TMEM108: variants seen among roughly 807,000 people sequenced by gnomAD.
TMEM108 encodes the protein transmembrane protein 108, also known as cancer/testis antigen 124.
A neutral mutation model predicts 35.1 loss-of-function variants in TMEM108; 12 were observed. The ratio of observed to expected loss-of-function variants is 0.34; its 90% CI spans 0.22 to 0.55. The LOEUF (loss-of-function observed/expected upper bound fraction) is 0.55, where lower values mean the gene tolerates loss of function less well. Among genes scored for constraint, TMEM108 ranks in the 20% least tolerant of loss-of-function variants. The probability of loss-of-function intolerance (pLI) is 0.89; values close to 1 mark genes in which losing one functional copy is unlikely to be tolerated. For synonymous variants in TMEM108, 287 were observed against 308.6 expected (o/e 0.93, Z 0.73); for missense variants, 680 against 753.3 (o/e 0.90, Z 1.14).
intron 3 of TMEM108, among the ~76,000 whole-genome samples, chr3:133,274,602 G>C (rs1946814291): frequency 6.6e-6 from 1 of 152,154 alleles, no homozygotes; most frequent in African/African-American, 2.4e-5. Context: ...TTGTTTCTCT[G>C]TGAATTTATC....
At chr3:133,134,305 G>A (rs532954597) in intron 2 of TMEM108, among the ~76,000 whole-genome samples, 1 of 151,866 alleles carries the variant, frequency 6.6e-6, no homozygotes, top group African/African-American at 2.4e-5. Context: ...TTCTATATAT[G>A]TTCTATACAT....
intron 2 of TMEM108, among the ~76,000 whole-genome samples, chr3:133,156,633 C>T: frequency 6.6e-6 from 1 of 152,138 alleles, no homozygotes; most frequent in East Asian, 1.9e-4. Flanking sequence ...AATGAGATAA[C>T]AGATGAGAAA....
intron 3 of TMEM108, among the ~76,000 whole-genome samples, chr3:133,249,532 C>T (rs1039773344): frequency 3.9e-5 from 6 of 152,208 alleles, no homozygotes; most frequent in African/African-American, 1.4e-4. Context: ...CAATGCTTAG[C>T]TCCCACTTAT....
At chr3:133,083,857 G>A (rs1478330466) in intron 2 of TMEM108, among the ~76,000 whole-genome samples, 1 of 149,412 alleles carries the variant, frequency 6.7e-6, no homozygotes, top group Non-Finnish European at 1.5e-5. Flanking sequence ...CCTCCATAGG[G>A]GCTAGTCCTG....
chr3:133,095,805 G>A (rs905212990), intron 2 of TMEM108, among the ~76,000 whole-genome samples: 3 of 152,136 alleles, frequency 2.0e-5, no homozygotes, highest in South Asian at 2.1e-4. Context: ...TTGCTTGTTC[G>A]CTCACCCGAT....
chr3:133,173,964 C>T (rs889173454), intron 2 of TMEM108, among the ~76,000 whole-genome samples: 3 of 152,176 alleles, frequency 2.0e-5, no homozygotes, highest in African/African-American at 7.2e-5. Context: ...CCTGGAAAAT[C>T]GGGTCACTCC....
chr3:133,065,372 A>G (rs1052066239), intron 2 of TMEM108, among the ~76,000 whole-genome samples: 13 of 152,140 alleles, frequency 8.5e-5, no homozygotes, highest in African/African-American at 2.9e-4. Context: ...TGGTTCACAC[A>G]GTTTTCCATT....
intron 2 of TMEM108, chr3:133,125,209 A>G (rs1944400378): frequency 6.6e-6 from 1 of 152,186 alleles, no homozygotes; most frequent in Admixed American, 6.5e-5. Context: ...TTAGCTCTTA[A>G]GGTAGTAATT....
intron 2 of TMEM108, among the ~76,000 whole-genome samples, chr3:133,196,775 C>T (rs575630679): frequency 1.1e-4 from 16 of 152,274 alleles, no homozygotes; most frequent in African/African-American, 3.9e-4. Flanking sequence ...GACTTTTGTC[C>T]TCTTTGTGCT....
intron 3 of TMEM108, among the ~76,000 whole-genome samples, chr3:133,336,280 A>G (rs546235223): frequency 6.6e-6 from 1 of 151,872 alleles, no homozygotes; most frequent in Admixed American, 6.5e-5. Flanking sequence ...TGCTTATCCC[A>G]CCCTTCCCCA....
At chr3:133,392,254 C>G (rs1260804617) in intron 5 of TMEM108, among the ~76,000 whole-genome samples, 4 of 124,550 alleles carry the variant, frequency 3.2e-5, no homozygotes, top group Middle Eastern at 4.3e-3. Flanking sequence ...CCTCTGCCTC[C>G]CAGGTTCAAG....
chr3:133,223,721 A>T (rs1262551046), intron 2 of TMEM108, among the ~76,000 whole-genome samples: 2 of 152,228 alleles, frequency 1.3e-5, no homozygotes, highest in Non-Finnish European at 2.9e-5. Flanking sequence ...GTAAGGTCAC[A>T]AAATTAATGT....
Position 133,396,129 on chromosome 3 carries a change from A to C in TMEM108, c.*143A>C. The C allele has an allele frequency of 2.1e-6, 1 of 477,094 alleles. No homozygotes were observed. Among genetic ancestry groups the C allele is most frequent in the African/African-American group, 2.3e-5 (1 of 43,874 alleles). 29.6% of individuals were successfully genotyped at this position (477,094 alleles called of 1,614,324 possible). ...GCTTTTTTTCCTATGAATTGTCAAC[A>C]TCTTTTTTACAAGTGTGGTTTAAAA... On this transcript the variant is annotated 3_prime_UTR_variant, in exon 6 of 6. Coordinates refer to ENST00000321871, the MANE Select transcript of TMEM108 (RefSeq NM_023943.4).
chr3:133,058,032 G>A (rs1425517721), intron 2 of TMEM108, among the ~76,000 whole-genome samples: 1 of 152,010 alleles, frequency 6.6e-6, no homozygotes, highest in African/African-American at 2.4e-5. Context: ...AATATTCATA[G>A]TTGGAGGAAG....
At chr3:133,199,785 C>T (rs1357245110) in intron 2 of TMEM108, among the ~76,000 whole-genome samples, 1 of 152,182 alleles carries the variant, frequency 6.6e-6, no homozygotes, top group Non-Finnish European at 1.5e-5. Context: ...CCACTACTCT[C>T]TTCAAAGCTG....
At chr3:133,140,448 A>G (rs1944625950) in intron 2 of TMEM108, among the ~76,000 whole-genome samples, 1 of 152,216 alleles carries the variant, frequency 6.6e-6, no homozygotes, top group South Asian at 2.1e-4. Flanking sequence ...ATTATCCTGA[A>G]TGGTAGAGTT....
chr3:133,346,757 CA>C lies in TMEM108; in HGVS notation c.41-32993del, dbSNP rs2071830208. 6.6e-6 allele frequency among the ~76,000 whole-genome samples: 1 copy of C among 152,028 alleles called. No individual in the cohort carries two copies. Among genetic ancestry groups the C allele is most frequent in the African/African-American group, 2.4e-5 (1 of 41,432 alleles). On this transcript the variant is annotated intron_variant, in intron 3 of 5. Transcript: ENST00000321871. The surrounding 1 kb of genome is among the most constrained non-coding windows in gnomAD (Gnocchi z 4.0). ...AAATTTTCTCCTATGTTATCTTCTA[CA>C]AGTTCTATAGTTTTGCATTTTACAT...
intron 3 of TMEM108, among the ~76,000 whole-genome samples, chr3:133,236,306 G>A (rs1946236555): frequency 6.6e-6 from 1 of 151,968 alleles, no homozygotes; most frequent in Non-Finnish European, 1.5e-5. Context: ...CTGTCTGTAG[G>A]TCCCTATCTT....
chr3:133,241,632 T>TTG (rs1946314780), intron 3 of TMEM108, among the ~76,000 whole-genome samples: 2 of 91,036 alleles, frequency 2.2e-5, no homozygotes. Context: ...TTTTTTTTTT[T>TTG]GAGACAGAAT....
Sources: gnomAD v4.1 joint callset for allele counts (sites outside exome capture counted in the v4.1 genomes callset) on GRCh38, gnomAD v4.1.1 for gene constraint, Gnocchi (gnomAD v3.1) non-coding constraint, MANE v1.5 for transcripts, NCBI Gene and HGNC (gene_info 2026-07-23, HGNC 2026-07-21) for gene names.